Variants in PARM1 observed in about 807,000 individuals in gnomAD.
PARM1 encodes prostate androgen-regulated mucin-like protein 1, also known as WSC4, cell wall integrity and stress response component 4 homolog.
In PARM1, 14 loss-of-function variants were observed where a neutral mutation model predicts 24.6. The observed-to-expected ratio is 0.57, with a 90% CI of 0.38 to 0.89. The LOEUF (loss-of-function observed/expected upper bound fraction) is 0.89, where lower values mean the gene tolerates loss of function less well. Among genes scored for constraint, PARM1 ranks in the 40% least tolerant of loss-of-function variants. PARM1 has a pLI of 0.00. For missense variants in PARM1, 362 were observed against 380.4 expected, an observed-to-expected ratio of 0.95 and a Z score of 0.40; for synonymous variants, 179 against 156.6, an observed-to-expected ratio of 1.14 and a Z score of -1.07.
intron 2 of PARM1, among the ~76,000 whole-genome samples, chr4:75,032,842 T>G (rs1431803891): frequency 6.6e-6 from 1 of 152,200 alleles, no homozygotes; most frequent in Non-Finnish European, 1.5e-5. Context: ...GAAGTACTAG[T>G]AAATAATTTC....
At chr4:74,994,293 C>T (rs545270345) in intron 1 of PARM1, 3 of 152,248 alleles carry the variant, frequency 2.0e-5, no homozygotes, top group Admixed American at 6.5e-5. Flanking sequence ...CAAATTAAGC[C>T]ACTTATACTA....
chr4:75,005,260 G>A (rs1722749460), intron 1 of PARM1, among the ~76,000 whole-genome samples: 1 of 152,190 alleles, frequency 6.6e-6, no homozygotes, highest in African/African-American at 2.4e-5. Flanking sequence ...GAAAGGGCTT[G>A]ACTGCATTTT....
At chr4:74,989,342 C>A (rs1052673433) in intron 1 of PARM1, among the ~76,000 whole-genome samples, 3 of 152,140 alleles carry the variant, frequency 2.0e-5, no homozygotes, top group Admixed American at 6.6e-5. Flanking sequence ...ATTCCCATAT[C>A]CCCTCCTTGT....
chr4:75,011,707 A>G (rs1171921903), intron 1 of PARM1, among the ~76,000 whole-genome samples: 1 of 152,202 alleles, frequency 6.6e-6, no homozygotes, highest in Non-Finnish European at 1.5e-5. Flanking sequence ...ATATGATGGT[A>G]AGGACCTCAG....
intron 1 of PARM1, among the ~76,000 whole-genome samples, chr4:74,989,124 G>A (rs1722413842): frequency 6.6e-6 from 1 of 152,076 alleles, no homozygotes; most frequent in African/African-American, 2.4e-5. Context: ...CAAAATGTGT[G>A]GGGATTTCTC....
intron 1 of PARM1, among the ~76,000 whole-genome samples, chr4:74,983,177 T>G (rs1056254874): frequency 6.6e-6 from 1 of 152,152 alleles, no homozygotes; most frequent in African/African-American, 2.4e-5. Flanking sequence ...CCACCCCTCA[T>G]GTACTATGAG....
At chr4:75,007,430 A>C (rs1320396860) in intron 1 of PARM1, among the ~76,000 whole-genome samples, 3 of 152,080 alleles carry the variant, frequency 2.0e-5, no homozygotes, top group Non-Finnish European at 4.4e-5. Context: ...CAGGAGTTCT[A>C]GTTCTGACTC....
chr4:74,947,717 A>C (rs1256577401), intron 1 of PARM1, among the ~76,000 whole-genome samples: 2 of 152,164 alleles, frequency 1.3e-5, no homozygotes, highest in African/African-American at 4.8e-5. Context: ...TTATAGGAAA[A>C]ATGACTGTGA....
At chr4:74,976,941 A>T (rs1314007151) in intron 1 of PARM1, among the ~76,000 whole-genome samples, 1 of 152,058 alleles carries the variant, frequency 6.6e-6, no homozygotes, top group Non-Finnish European at 1.5e-5. Context: ...CCCTACAAAA[A>T]CCCTATCCAA....
chr4:74,949,849 T>TTTC (rs1402122631), intron 1 of PARM1, among the ~76,000 whole-genome samples: 25 of 152,036 alleles, frequency 1.6e-4, no homozygotes, highest in Non-Finnish European at 3.2e-4. Context: ...TTTTTTTTTT[T>TTTC]TTCAACATAA....
In PARM1 at chr4:74,940,044, G is replaced by GT. The variant is rs368052208; in HGVS notation, c.43+6682dup. Among the ~76,000 whole-genome samples, 1,327 of 152,020 alleles carry GT rather than the reference G, an allele frequency of 8.7e-3. 19 individuals carry two copies. Among genetic ancestry groups the GT allele is most frequent in the African/African-American group, 0.03 (1,252 of 41,462 alleles). ...GAGAGAGGGTTTTGTTTATCTGTGT[G>GT]TTTTTTTTGTTTTGTTTTGTTTTGG... On this transcript the variant is annotated intron_variant, in intron 1 of 3. Coordinates refer to ENST00000307428, the MANE Select transcript of PARM1 (RefSeq NM_015393.4).
At chr4:74,959,894 A>G (rs1196649159) in intron 1 of PARM1, among the ~76,000 whole-genome samples, 1 of 152,206 alleles carries the variant, frequency 6.6e-6, no homozygotes, top group African/African-American at 2.4e-5. Flanking sequence ...TCCCCATCTA[A>G]ACAACAATTG....
At chr4:75,045,366 CCATT>C (rs1235645355) in intron 3 of PARM1, among the ~76,000 whole-genome samples, 1 of 152,202 alleles carries the variant, frequency 6.6e-6, no homozygotes, top group African/African-American at 2.4e-5. Flanking sequence ...AGATGAGGAT[CCATT>C]CAAAGGTTTT....
chr4:74,954,033 C>G (rs1578026093), intron 1 of PARM1, among the ~76,000 whole-genome samples: 1 of 152,170 alleles, frequency 6.6e-6, no homozygotes, highest in East Asian at 1.9e-4. Flanking sequence ...TACACGGCAC[C>G]TGAAGCAAAA....
At chr4:74,935,208 C>T (rs902036352) in intron 1 of PARM1, among the ~76,000 whole-genome samples, 4 of 152,060 alleles carry the variant, frequency 2.6e-5, no homozygotes, top group Admixed American at 2.0e-4. Flanking sequence ...GGAAGACATA[C>T]TGCCTCATTT....
At chr4:74,933,805 G>A (rs1214074209) in intron 1 of PARM1, among the ~76,000 whole-genome samples, 1 of 152,172 alleles carries the variant, frequency 6.6e-6, no homozygotes, top group Non-Finnish European at 1.5e-5. Flanking sequence ...TTCGCATCTG[G>A]GAAGGCTTCA....
At chr4:74,982,486 A>T (rs1238489641) in intron 1 of PARM1, among the ~76,000 whole-genome samples, 1 of 152,168 alleles carries the variant, frequency 6.6e-6, no homozygotes, top group African/African-American at 2.4e-5. Context: ...AAAATAAAAA[A>T]TAATAAACAC....
intron 1 of PARM1, among the ~76,000 whole-genome samples, chr4:74,936,465 T>TG (rs1233877575): frequency 4.2e-5 from 6 of 143,618 alleles, no homozygotes; most frequent in South Asian, 4.5e-4. Flanking sequence ...TTTTTTGTTT[T>TG]TTTTTTGAGA....
rs562817963 is a variant in PARM1, at chr4:74,949,821, G to A, written c.43+16451G>A. 2.0e-5 allele frequency among the ~76,000 whole-genome samples: 3 copies of A among 151,374 alleles called. No homozygotes were observed. The East Asian group carries it at 5.8e-4, about 29-fold the overall frequency. Reference sequence around the variant, plus strand: ...CATCAAATAGAGGCACTTCCCTATGGCTGGCCTCTTACTCTTTTTTTTTTT... The same window carrying A: ...CATCAAATAGAGGCACTTCCCTATGACTGGCCTCTTACTCTTTTTTTTTTT... On this transcript the variant is annotated intron_variant, in intron 1 of 3. Transcript: ENST00000307428.
Sources: gnomAD v4.1 joint callset for allele counts (sites outside exome capture counted in the v4.1 genomes callset) on GRCh38, gnomAD v4.1.1 for gene constraint, MANE v1.5 for transcripts, NCBI Gene and HGNC (gene_info 2026-07-23, HGNC 2026-07-21) for gene names.